The following BTBD7 variants were observed in gnomAD, a reference collection of about 807,000 sequenced individuals.
The protein encoded by BTBD7 is BTB/POZ domain-containing protein 7.
In BTBD7, 38 loss-of-function variants were observed where a neutral mutation model predicts 99.9. The observed-to-expected ratio is 0.38, with a 90% CI of 0.29 to 0.50. The LOEUF (loss-of-function observed/expected upper bound fraction) is 0.50, where lower values mean the gene tolerates loss of function less well. Among genes scored for constraint, BTBD7 ranks in the 20% least tolerant of loss-of-function variants. The pLI, the probability that BTBD7 is intolerant of heterozygous loss-of-function variation, is 0.93. For synonymous variants in BTBD7, 520 were observed against 511.4 expected (o/e 1.02, Z -0.23); for missense variants, 1,170 against 1,394.6 (o/e 0.84, Z 2.57).
intron 1 of BTBD7, among the ~76,000 whole-genome samples, chr14:93,319,492 G>A (rs929334495): frequency 6.6e-6 from 1 of 152,136 alleles, no homozygotes; most frequent in Admixed American, 6.5e-5. Context: ...AAGACATTAT[G>A]CTAAGTAAAA....
rs1188968453 is a variant in BTBD7 at position 93,242,950 on chromosome 14, G to A, written c.2722C>T (p.Pro908Ser). The A allele has an allele frequency of 6.2e-7, 1 of 1,614,046 alleles. No homozygotes were observed. The highest frequency in any genetic ancestry group is 1.1e-5 in the South Asian group (1 of 91,058). ...GGAATACACGACAGATGCTGGGGAG[G>A]CCCTGGTCCTGCTTCAGAAACTGAC... ...SQSVSEAGPG[P>S]PQHLSCIPQR... The change falls in exon 11 of 11, where the codon CCT becomes TCT. Residue 908 changes from proline (P) to serine (S), a missense_variant. By Grantham distance (74) the Pro-to-Ser change is moderately conservative. Around this residue, in one of 4 missense-constraint regions of BTBD7, gnomAD observed 495 missense variants for 525.9 expected, o/e 0.94. Coordinates refer to ENST00000334746, the MANE Select transcript of BTBD7 (RefSeq NM_001002860.4).
chr14:93,269,851 G>C (rs139128025), intron 3 of BTBD7, among the ~76,000 whole-genome samples: 2 of 152,212 alleles, frequency 1.3e-5, no homozygotes, highest in Non-Finnish European at 2.9e-5. Flanking sequence ...AAAGTATGCT[G>C]TGACTAGCTT....
In BTBD7 at chr14:93,296,053, T is replaced by G. The variant is rs746815173; in HGVS notation, c.-2A>C. On this transcript the variant is annotated 5_prime_UTR_variant, in exon 2 of 11. Transcript: ENST00000334746. Reference sequence around the variant, plus strand: ...ATAATTAGATGCATTAGCACCCATTTTCTTCAGTCACTCAGGCATTCCGTC... The same window carrying G: ...ATAATTAGATGCATTAGCACCCATTGTCTTCAGTCACTCAGGCATTCCGTC... The G allele has an allele frequency of 8.7e-6, 14 of 1,613,454 alleles. No individual in the cohort carries two copies.
intron 1 of BTBD7, among the ~76,000 whole-genome samples, chr14:93,303,174 T>C (rs1260255336): frequency 6.6e-6 from 1 of 152,178 alleles, no homozygotes; most frequent in East Asian, 1.9e-4. Flanking sequence ...TAAAAAGATC[T>C]TGATGCAGAA....
chr14:93,303,625 C>A (rs2053031973), intron 1 of BTBD7, among the ~76,000 whole-genome samples: 1 of 152,132 alleles, frequency 6.6e-6, no homozygotes, highest in African/African-American at 2.4e-5. Context: ...CAGTTTCTAG[C>A]CATTTAAAGC....
intron 3 of BTBD7, among the ~76,000 whole-genome samples, chr14:93,285,470 A>C (rs2052766445): frequency 6.6e-6 from 1 of 152,260 alleles, no homozygotes; most frequent in East Asian, 1.9e-4. Context: ...ATTTGTGATC[A>C]AGATGAAAAA....
intron 3 of BTBD7, among the ~76,000 whole-genome samples, chr14:93,290,210 TTTTAA>T (rs1303579942): frequency 6.7e-6 from 1 of 149,228 alleles, no homozygotes; most frequent in Non-Finnish European, 1.5e-5. Context: ...CAATACTGCC[TTTTAA>T]TTTTTTTTTT....
In BTBD7 at chr14:93,319,117, G is replaced by A. The variant is rs554165410; in HGVS notation, c.-107+13703C>T. Among the ~76,000 whole-genome samples, 46 of 152,310 alleles carry A rather than the reference G, an allele frequency of 3.0e-4. No individual in the cohort carries two copies. The South Asian group carries it at 7.3e-3, about 24-fold the overall frequency. ...AGCTACTCCGGAGGCTGAGATGAGGGATCACTTGAGTCCAGGCATTTGAGG... is the reference window on the plus strand; with the variant it reads ...AGCTACTCCGGAGGCTGAGATGAGGAATCACTTGAGTCCAGGCATTTGAGG... On this transcript the variant is annotated intron_variant, in intron 1 of 10. Transcript: ENST00000334746.
chr14:93,269,440 A>G (rs1049204390), intron 3 of BTBD7, among the ~76,000 whole-genome samples: 3 of 152,186 alleles, frequency 2.0e-5, no homozygotes, highest in Non-Finnish European at 4.4e-5. Flanking sequence ...CGAAACCATC[A>G]GCACACTCAA....
chr14:93,288,967 T>C lies in BTBD7; in HGVS notation c.1162+4891A>G, dbSNP rs533592903. On this transcript the variant is annotated intron_variant, in intron 3 of 10. Coordinates refer to ENST00000334746, the MANE Select transcript of BTBD7 (RefSeq NM_001002860.4). ...ACATCCCTACCCTCCTCTGTTGCTA[T>C]TTCCAGATTTGGAATCTCTCTAATT... Among the ~76,000 whole-genome samples the C allele has an allele frequency of 2.0e-5, 3 of 152,312 alleles. No homozygotes were observed. In the South Asian group the frequency reaches 6.2e-4, roughly 32 times the overall value.
At chr14:93,297,459 AC>A (rs2052943116) in intron 1 of BTBD7, among the ~76,000 whole-genome samples, 1 of 152,114 alleles carries the variant, frequency 6.6e-6, no homozygotes, top group Non-Finnish European at 1.5e-5. Flanking sequence ...AGTAGCTGGG[AC>A]TACAGGTGAG....
chr14:93,290,512 T>A, intron 3 of BTBD7, among the ~76,000 whole-genome samples: 1 of 178 alleles, frequency 5.6e-3, no homozygotes, highest in South Asian at 0.5. Context: ...GCACTTGGCC[T>A]TTTTTTTTTT....
chr14:93,283,847 A>G, intron 3 of BTBD7, among the ~76,000 whole-genome samples: 1 of 152,202 alleles, frequency 6.6e-6, no homozygotes, highest in East Asian at 1.9e-4. Context: ...CCATTGCACC[A>G]GGCCAATACA....
intron 5 of BTBD7, among the ~76,000 whole-genome samples, chr14:93,260,137 A>G (rs2052471613): frequency 6.6e-6 from 1 of 152,148 alleles, no homozygotes; most frequent in South Asian, 2.1e-4. Flanking sequence ...ACACTATAAA[A>G]AGGCTTAAAG....
At chr14:93,258,087 A>C (rs1316149451) in intron 5 of BTBD7, among the ~76,000 whole-genome samples, 3 of 152,026 alleles carry the variant, frequency 2.0e-5, no homozygotes, top group East Asian at 3.9e-4. Flanking sequence ...GCTTTAATCT[A>C]GGGGTCTGTA....
intron 1 of BTBD7, among the ~76,000 whole-genome samples, chr14:93,311,978 T>C (rs1261885153): frequency 6.6e-6 from 1 of 151,992 alleles, no homozygotes; most frequent in African/African-American, 2.4e-5. Context: ...AAAAGATACA[T>C]CCAAAGAATA....
At chr14:93,244,602 T>C (rs917146872) in intron 10 of BTBD7, among the ~76,000 whole-genome samples, 6 of 152,066 alleles carry the variant, frequency 3.9e-5, no homozygotes, top group Non-Finnish European at 7.4e-5. Flanking sequence ...TGAGCCGAGA[T>C]TGCACCACTG....
intron 1 of BTBD7, among the ~76,000 whole-genome samples, chr14:93,331,851 A>G (rs2053421196): frequency 6.8e-6 from 1 of 147,286 alleles, no homozygotes; most frequent in African/African-American, 2.6e-5. Flanking sequence ...ACTGTTCTCC[A>G]GCCTGGGTGA....
rs781110801 is a variant in BTBD7 at position 93,253,772 on chromosome 14, T to A, written c.1627A>T (p.Ser543Cys). 12 of 1,586,502 alleles carry A rather than the reference T, an allele frequency of 7.6e-6. No individual in the cohort carries two copies. The highest frequency in any genetic ancestry group is 1.3e-5 in the African/African-American group (1 of 74,484). ...GGAAGCATATCTGATGGAGGAGTAC[T>A]AATCAAGCCTCTTTTCATCTAAAAA... ...LSDAMKRGLI[S>C]TPPSDMLPTT... The change falls in exon 7 of 11, where the codon AGT becomes TGT. Residue 543 changes from serine (S) to cysteine (C), a missense_variant. Coordinates refer to ENST00000334746, the MANE Select transcript of BTBD7 (RefSeq NM_001002860.4).
Sources: gnomAD v4.1 joint callset for allele counts (sites outside exome capture counted in the v4.1 genomes callset) on GRCh38, gnomAD v4.1.1 for gene constraint, gnomAD v4.1.1 regional missense constraint, MANE v1.5 for transcripts, NCBI Gene and HGNC (gene_info 2026-07-23, HGNC 2026-07-21) for gene names.